The following GNAO1 variants were observed in gnomAD, a reference collection of about 807,000 sequenced individuals.
GNAO1 encodes G protein subunit alpha o1.
For synonymous variants in GNAO1, 164 were observed against 180.7 expected, an observed-to-expected ratio of 0.91 and a Z score of 0.74; for missense variants, 166 against 478.7, an observed-to-expected ratio of 0.35 and a Z score of 6.10.
intron 2 of GNAO1, among the ~76,000 whole-genome samples, chr16:56,215,684 A>G (rs185112185): frequency 2.4e-4 from 37 of 152,346 alleles, no homozygotes; most frequent in African/African-American, 8.4e-4. Context: ...TATTCAGGGT[A>G]CATTTACATA....
intron 3 of GNAO1, among the ~76,000 whole-genome samples, chr16:56,294,970 T>C (rs1386589720): frequency 2.0e-5 from 3 of 152,370 alleles, no homozygotes; most frequent in Middle Eastern, 3.4e-3. Context: ...GTTTGTCTTC[T>C]TATTAATGAG....
Position 56,211,208 on chromosome 16 carries a change from G to C in GNAO1, c.161+18592G>C, listed in dbSNP as rs544082924. Among the ~76,000 whole-genome samples, 16 of 152,350 alleles carry C rather than the reference G, an allele frequency of 1.1e-4. No homozygotes were observed. In the South Asian group the frequency reaches 3.3e-3, roughly 32 times the overall value. On this transcript the variant is annotated intron_variant, in intron 2 of 8. Transcript: ENST00000262493. ...TTTACAATGCTTAATATGCAGATCA[G>C]CTTAACTCTCATTGGAGGCAGATTA... is the stretch of plus-strand genomic sequence containing the variant.
chr16:56,328,057 C>G (rs185680076), intron 3 of GNAO1, among the ~76,000 whole-genome samples: 1 of 152,212 alleles, frequency 6.6e-6, no homozygotes, highest in Non-Finnish European at 1.5e-5. Flanking sequence ...TCCCCTCCCC[C>G]AGTCCTGAGG....
intron 2 of GNAO1, among the ~76,000 whole-genome samples, chr16:56,251,472 TG>T (rs59463944): frequency 2.1e-3 from 317 of 152,358 alleles, no homozygotes; most frequent in African/African-American, 7.4e-3. Context: ...CTCAAGGGCA[TG>T]TTTTAATAAC....
At chr16:56,304,017 C>G (rs1286424353) in intron 3 of GNAO1, among the ~76,000 whole-genome samples, 1 of 152,250 alleles carries the variant, frequency 6.6e-6, no homozygotes, top group African/African-American at 2.4e-5. Context: ...CTACCAAGCC[C>G]TACCAAGTTC....
At chr16:56,208,872 C>CTTTTTTGT in intron 2 of GNAO1, among the ~76,000 whole-genome samples, 1 of 152,126 alleles carries the variant, frequency 6.6e-6, no homozygotes, top group East Asian at 1.9e-4. Context: ...AAATACTAGT[C>CTTTTTTGT]TTTTTTGTTT....
intron 4 of GNAO1, among the ~76,000 whole-genome samples, chr16:56,332,025 T>G (rs910843345): frequency 6.6e-6 from 1 of 152,102 alleles, no homozygotes; most frequent in Non-Finnish European, 1.5e-5. Flanking sequence ...GCAGCTCCCC[T>G]GGCAGGTACA....
intron 2 of GNAO1, among the ~76,000 whole-genome samples, chr16:56,195,185 C>G (rs1223072018): frequency 6.7e-6 from 1 of 149,560 alleles, no homozygotes; most frequent in South Asian, 2.1e-4. Context: ...AATACACCAA[C>G]TCTCTTTAGG....
At chr16:56,253,728 C>T (rs1158734546) in intron 2 of GNAO1, among the ~76,000 whole-genome samples, 2 of 152,254 alleles carry the variant, frequency 1.3e-5, no homozygotes, top group East Asian at 1.9e-4. Flanking sequence ...GGATTTGACC[C>T]GATGGGCCAT....
At chr16:56,298,683 C>T (rs538790941) in intron 3 of GNAO1, among the ~76,000 whole-genome samples, 210 of 152,024 alleles carry the variant, frequency 1.4e-3, no homozygotes, top group African/African-American at 4.7e-3. Flanking sequence ...GAGGCCGAAG[C>T]GGGCAGATCA....
intron 5 of GNAO1, among the ~76,000 whole-genome samples, chr16:56,335,980 C>T (rs554254119): frequency 7.9e-5 from 12 of 152,312 alleles, no homozygotes; most frequent in Non-Finnish European, 1.8e-4. Flanking sequence ...TCCCTGTCCC[C>T]CTCTGGCAGG....
chr16:56,344,319 G>A (rs542085042), intron 6 of GNAO1: 300 of 1,112,234 alleles, frequency 2.7e-4, no homozygotes, highest in Non-Finnish European at 2.9e-4. Flanking sequence ...CTTGGGTGGT[G>A]CAGGGGCGCA....
chr16:56,309,174 C>A (rs1337659301), intron 3 of GNAO1, among the ~76,000 whole-genome samples: 1 of 152,054 alleles, frequency 6.6e-6, no homozygotes, highest in African/African-American at 2.4e-5. Flanking sequence ...CCCTCTTGCT[C>A]CTTCCCAGCT....
chr16:56,289,509 G>A (rs1453977106), intron 3 of GNAO1, among the ~76,000 whole-genome samples: 3 of 152,222 alleles, frequency 2.0e-5, no homozygotes, highest in Non-Finnish European at 4.4e-5. Flanking sequence ...TAACACTGCA[G>A]CATCTGTGTC....
chr16:56,230,703 A>G (rs1301060532), intron 2 of GNAO1, among the ~76,000 whole-genome samples: 1 of 151,942 alleles, frequency 6.6e-6, no homozygotes, highest in Non-Finnish European at 1.5e-5. Context: ...CTTCTCTAAT[A>G]TAGGGGTCCA....
chr16:56,205,814 AG>A (rs2036322230), intron 2 of GNAO1, among the ~76,000 whole-genome samples: 1 of 152,186 alleles, frequency 6.6e-6, no homozygotes, highest in Non-Finnish European at 1.5e-5. Context: ...TTGAAGGCAA[AG>A]GTCATTTCAT....
chr16:56,337,501 C>T lies in GNAO1; in HGVS notation c.723+641C>T, dbSNP rs189006289. Among the ~76,000 whole-genome samples the T allele has an allele frequency of 1.2e-4, 19 of 152,340 alleles. No individual in the cohort carries two copies. In the South Asian group the frequency reaches 1.4e-3, roughly 12 times the overall value. On this transcript the variant is annotated intron_variant, in intron 6 of 8. Coordinates refer to ENST00000262493, the MANE Select transcript of GNAO1 (RefSeq NM_020988.3). ...CCTTCTGTCTTGCGTCACATTCAGC[C>T]TAGGGCCTCAGTGAGGGGACATTCC...
At chr16:56,246,500 C>T (rs1416747237) in intron 2 of GNAO1, among the ~76,000 whole-genome samples, 4 of 150,474 alleles carry the variant, frequency 2.7e-5, no homozygotes, top group African/African-American at 9.8e-5. Flanking sequence ...GGATACTGGA[C>T]GATCAAGTTC....
intron 2 of GNAO1, among the ~76,000 whole-genome samples, chr16:56,197,995 A>G (rs1166190779): frequency 6.6e-6 from 1 of 152,196 alleles, no homozygotes; most frequent in African/African-American, 2.4e-5. Flanking sequence ...ACCAGAATAC[A>G]TCTTGATCTG....
Sources: allele counts gnomAD v4.1 joint callset (sites outside exome capture counted in the v4.1 genomes callset), GRCh38; gene constraint gnomAD v4.1.1; transcripts MANE v1.5; gene names NCBI Gene and HGNC (gene_info 2026-07-23, HGNC 2026-07-21).